The following ERBB4 variants were observed in gnomAD, a reference collection of about 807,000 sequenced individuals.
The protein encoded by ERBB4 is erb-b2 receptor tyrosine kinase 4, also known as receptor tyrosine-protein kinase erbB-4.
A neutral mutation model predicts 158.0 loss-of-function variants in ERBB4; 42 were observed. That is an observed-to-expected ratio of 0.27 (90% CI 0.21 to 0.34). ERBB4 has a LOEUF of 0.34. Among genes scored for constraint, ERBB4 ranks in the 10% least tolerant of loss-of-function variants. ERBB4 has a pLI of 1.00. For synonymous variants in ERBB4, 583 were observed against 558.7 expected (o/e 1.04, Z -0.61); for missense variants, 1,333 against 1,624.1 (o/e 0.82, Z 3.08).
intron 16 of ERBB4, among the ~76,000 whole-genome samples, chr2:211,632,267 G>A (rs2070171400): frequency 6.6e-6 from 1 of 152,066 alleles, no homozygotes; most frequent in Non-Finnish European, 1.5e-5. Flanking sequence ...GTTTTTGTTT[G>A]TGTAAGATCA....
At chr2:211,640,427 T>A (rs993449709) in intron 16 of ERBB4, among the ~76,000 whole-genome samples, 1 of 152,082 alleles carries the variant, frequency 6.6e-6, no homozygotes, top group African/African-American at 2.4e-5. Context: ...CTATCTAGAG[T>A]CACTGGACAT....
intron 2 of ERBB4, among the ~76,000 whole-genome samples, chr2:212,079,587 A>G (rs1307302739): frequency 6.6e-6 from 1 of 150,998 alleles, no homozygotes. Context: ...AACCATTTCA[A>G]TAACTTAATA....
intron 1 of ERBB4, among the ~76,000 whole-genome samples, chr2:212,311,914 C>T (rs2087060704): frequency 6.6e-6 from 1 of 150,888 alleles, no homozygotes. Flanking sequence ...AAACTCAACT[C>T]CTGGTGAATA....
chr2:212,386,943 T>C (rs1307519733), intron 1 of ERBB4, among the ~76,000 whole-genome samples: 1 of 152,148 alleles, frequency 6.6e-6, no homozygotes, highest in Non-Finnish European at 1.5e-5. Flanking sequence ...ATGGCTATAA[T>C]AGGTTCTTAA....
intron 1 of ERBB4, among the ~76,000 whole-genome samples, chr2:212,465,793 T>C (rs1688802210): frequency 6.6e-6 from 1 of 152,194 alleles, no homozygotes; most frequent in Non-Finnish European, 1.5e-5. Context: ...CATACATCCA[T>C]TTTATTGTCC....
chr2:212,164,447 TC>T (rs2081289758), intron 1 of ERBB4, among the ~76,000 whole-genome samples: 1 of 152,024 alleles, frequency 6.6e-6, no homozygotes, highest in Admixed American at 6.6e-5. Context: ...CCTTCATATT[TC>T]TAATGAAAGT....
chr2:211,720,830 G>A lies in ERBB4; in HGVS notation c.883+1563C>T, dbSNP rs147456112. On this transcript the variant is annotated intron_variant, in intron 7 of 27. Transcript: ENST00000342788. ...CTCTATGATGTTGCATACTTACACC[G>A]TTCTCCCATTTCTCCAAAAGCTTGA... Among the ~76,000 whole-genome samples, 41 of 152,174 alleles carry A rather than the reference G, an allele frequency of 2.7e-4. 1 individual carries two copies. The highest frequency in any genetic ancestry group is 5.2e-4 in the Admixed American group (8 of 15,302).
intron 4 of ERBB4, among the ~76,000 whole-genome samples, chr2:211,767,442 T>G (rs886599051): frequency 9.9e-5 from 15 of 152,218 alleles, no homozygotes; most frequent in African/African-American, 3.6e-4. Context: ...ATTATTTGAC[T>G]CAATATATAA....
chr2:211,982,807 GTAA>G (rs1464122591), intron 2 of ERBB4, among the ~76,000 whole-genome samples: 1 of 152,088 alleles, frequency 6.6e-6, no homozygotes, highest in Non-Finnish European at 1.5e-5. Flanking sequence ...AATTTTTTCA[GTAA>G]TAATATTAGT....
chr2:212,448,976 T>A (rs577875701), intron 1 of ERBB4, among the ~76,000 whole-genome samples: 1 of 152,278 alleles, frequency 6.6e-6, no homozygotes, highest in South Asian at 2.1e-4. Flanking sequence ...CAAACTTTTC[T>A]TTCCACTGAA....
chr2:211,962,735 G>C (rs185352678), intron 2 of ERBB4, among the ~76,000 whole-genome samples: 52 of 152,172 alleles, frequency 3.4e-4, no homozygotes, highest in African/African-American at 1.2e-3. Flanking sequence ...ATCTTTTTGA[G>C]GTGGAATACA....
chr2:212,084,888 T>C (rs989129699), intron 2 of ERBB4, among the ~76,000 whole-genome samples: 1 of 152,134 alleles, frequency 6.6e-6, no homozygotes, highest in East Asian at 1.9e-4. Flanking sequence ...GAGCATGATA[T>C]TGGGATCATG....
intron 1 of ERBB4, among the ~76,000 whole-genome samples, chr2:212,398,100 ATATGTG>A (rs2091082619): frequency 1.1e-5 from 1 of 91,626 alleles, no homozygotes. Flanking sequence ...TGATACATAT[ATATGTG>A]TGTGTGTGTG....
At chr2:211,395,115 TTC>T (rs1359711672) in intron 25 of ERBB4, among the ~76,000 whole-genome samples, 1 of 152,068 alleles carries the variant, frequency 6.6e-6, no homozygotes, top group Non-Finnish European at 1.5e-5. Flanking sequence ...TTATAAAGTT[TTC>T]TCTCATAAAT....
intron 3 of ERBB4, among the ~76,000 whole-genome samples, chr2:211,901,888 G>A (rs2079245044): frequency 6.6e-6 from 1 of 152,022 alleles, no homozygotes; most frequent in Admixed American, 6.6e-5. Flanking sequence ...AATTTACAAT[G>A]TTTTTAAAAA....
At chr2:212,383,880 C>T (rs2090590178) in intron 1 of ERBB4, among the ~76,000 whole-genome samples, 1 of 151,654 alleles carries the variant, frequency 6.6e-6, no homozygotes, top group Admixed American at 6.6e-5. Flanking sequence ...ATTTTAAGGA[C>T]CACAGTTTTA....
At position 211,376,215 on chromosome 2, in the gene ERBB4, C is replaced by T. The variant is rs74352699; in HGVS notation, c.*7400G>A. 338 of 233,016 alleles carry T rather than the reference C, an allele frequency of 1.5e-3. 6 individuals are homozygous for T. The East Asian group carries it at 0.017, about 12-fold the overall frequency. The allele number at this position is 233,016 out of a possible 1,614,324, so 14.4% of individuals were successfully genotyped here. On this transcript the variant is annotated 3_prime_UTR_variant, in exon 28 of 28. Transcript: ENST00000342788. ...GAACACATCACAATAGTGCTGAACA[C>T]AGAATCACAAGTAATGTCAAAATGA...
At chr2:211,636,196 A>G (rs947983318) in intron 16 of ERBB4, among the ~76,000 whole-genome samples, 6 of 151,966 alleles carry the variant, frequency 3.9e-5, no homozygotes, top group Non-Finnish European at 7.4e-5. Flanking sequence ...TTTTTGTAAA[A>G]TAAACTTTGC....
At position 211,619,230 on chromosome 2, in the gene ERBB4, T is replaced by C. The variant is rs141502430; in HGVS notation, c.2248A>G (p.Ile750Val). Residue 750 changes from isoleucine to valine, a missense_variant, in exon 19 of 28, where the codon ATT becomes GTT. Around this residue, in one of 5 missense-constraint regions of ERBB4, gnomAD observed 314 missense variants for 437.6 expected, o/e 0.72. Coordinates refer to ENST00000342788, the MANE Select transcript of ERBB4 (RefSeq NM_005235.3). ...CCAGTTGTCTCATTAAGAATCTTAA[T>C]AGCCACAGGAATCTTCACAGTTTCT... is the stretch of plus-strand genomic sequence containing the variant. ...EGETVKIPVA[I>V]KILNETTGPK... 19 of 1,612,746 alleles carry C rather than the reference T, an allele frequency of 1.2e-5. No homozygotes were observed. In the African/African-American group the frequency reaches 2.1e-4, roughly 18 times the overall value.
Sources: allele counts gnomAD v4.1 joint callset (sites outside exome capture counted in the v4.1 genomes callset), GRCh38; gene constraint gnomAD v4.1.1; regional missense constraint gnomAD v4.1.1; transcripts MANE v1.5; gene names NCBI Gene and HGNC (gene_info 2026-07-23, HGNC 2026-07-21).